ZNF383: variants seen among roughly 807,000 people sequenced by gnomAD.
The protein encoded by ZNF383 is zinc finger protein 383.
Under a neutral mutation model 44.2 loss-of-function variants are expected in ZNF383, and 32 were observed. The observed-to-expected ratio is 0.72, with a 90% CI of 0.55 to 0.97. ZNF383 has a LOEUF of 0.97. ZNF383 is among the 50% of genes least tolerant of loss of function. The pLI is 0.00. For synonymous variants in ZNF383, 155 were observed against 186.2 expected, an observed-to-expected ratio of 0.83 and a Z score of 1.36; for missense variants, 487 against 562.5, an observed-to-expected ratio of 0.87 and a Z score of 1.36.
chr19:37,234,165 A>G (rs987067383), intron 3 of ZNF383, among the ~76,000 whole-genome samples: 1 of 152,164 alleles, frequency 6.6e-6, no homozygotes, highest in African/African-American at 2.4e-5. Flanking sequence ...CGCACGGCCC[A>G]CATCTATTTT....
chr19:37,229,128 G>C (rs1316015239), intron 2 of ZNF383, among the ~76,000 whole-genome samples: 1 of 149,352 alleles, frequency 6.7e-6, no homozygotes, highest in African/African-American at 2.5e-5. Flanking sequence ...CTCACCTTTT[G>C]GCAATGGCAA....
chr19:37,236,859 C>T (rs1973826282), intron 5 of ZNF383, among the ~76,000 whole-genome samples: 1 of 152,028 alleles, frequency 6.6e-6, no homozygotes, highest in South Asian at 2.1e-4. Context: ...TGAGCCACCG[C>T]GTCCGGCCCC....
chr19:37,238,037 A>AT, intron 5 of ZNF383, among the ~76,000 whole-genome samples: 1 of 151,336 alleles, frequency 6.6e-6, no homozygotes, highest in Middle Eastern at 3.4e-3. Context: ...TAATTTTTCT[A>AT]TTTTTTGTAG....
intron 5 of ZNF383, among the ~76,000 whole-genome samples, chr19:37,239,873 A>G (rs1216720735): frequency 6.6e-6 from 1 of 152,098 alleles, no homozygotes; most frequent in Non-Finnish European, 1.5e-5. Context: ...AGTTACTGCA[A>G]GATCTGCCGG....
rs1292058300 is a variant in ZNF383 at position 37,242,747 on chromosome 19, G to C, written c.511G>C (p.Glu171Gln). 2 of 1,614,080 alleles carry C rather than the reference G, an allele frequency of 1.2e-6. No individual in the cohort carries two copies. Among genetic ancestry groups the C allele is most frequent in the Admixed American group, 3.3e-5 (2 of 60,016 alleles). Residue 171 changes from glutamate (E) to glutamine (Q), a missense_variant, in exon 6 of 6, where the codon GAA becomes CAA. Coordinates refer to ENST00000684119, the MANE Select transcript of ZNF383 (RefSeq NM_001387601.1). Reference sequence around the variant, plus strand: ...AATTAATAATGAAGACAGACCCTATGAATGTAAGAAATGTGGAAAGGCCTT... The same window carrying C: ...AATTAATAATGAAGACAGACCCTATCAATGTAAGAAATGTGGAAAGGCCTT... ...QIINNEDRPY[E>Q]CKKCGKAFSQ... is the part of the protein sequence containing the mutation.
chr19:37,235,015 G>A (rs780291200), intron 3 of ZNF383, among the ~76,000 whole-genome samples: 1 of 152,040 alleles, frequency 6.6e-6, no homozygotes, highest in African/African-American at 2.4e-5. Context: ...GGCTCATGTC[G>A]TAATCCCAGC....
intron 1 of ZNF383, among the ~76,000 whole-genome samples, chr19:37,222,151 T>G (rs185977481): frequency 1.3e-4 from 20 of 152,160 alleles, no homozygotes; most frequent in Admixed American, 5.2e-4. Flanking sequence ...TTTGCTTGGC[T>G]TCTTTTTTTT....
rs768264144 is a variant in ZNF383 at position 37,243,548 on chromosome 19, A to G, written c.1312A>G (p.Thr438Ala). Reference sequence around the variant, plus strand: ...GGCCTTTAATAAATGCTCAAACCTTACTCGACATCTGAGAATTCACACTGG... The same window carrying G: ...GGCCTTTAATAAATGCTCAAACCTTGCTCGACATCTGAGAATTCACACTGG... ...GKAFNKCSNLTRHLRIHTGEK... is the reference protein window; with the variant it reads ...GKAFNKCSNLARHLRIHTGEK... The change falls in exon 6 of 6, where the codon ACT (threonine) becomes GCT (alanine). Residue 438 changes from threonine to alanine, a missense_variant. Coordinates refer to ENST00000684119, the MANE Select transcript of ZNF383 (RefSeq NM_001387601.1). The G allele has an allele frequency of 6.2e-6, 10 of 1,613,376 alleles. No individual in the cohort carries two copies. The Admixed American group carries it at 1.7e-4, about 27-fold the overall frequency.
chr19:37,235,221 C>T (rs560728906), intron 3 of ZNF383, among the ~76,000 whole-genome samples: 63 of 150,802 alleles, frequency 4.2e-4, no homozygotes, highest in Non-Finnish European at 6.8e-4. Context: ...TGCGGTGAGC[C>T]GACATCATGC....
At chr19:37,222,938 A>G (rs1049535780) in intron 1 of ZNF383, among the ~76,000 whole-genome samples, 3 of 152,212 alleles carry the variant, frequency 2.0e-5, no homozygotes, top group Admixed American at 1.3e-4. Flanking sequence ...ACTTTATGAC[A>G]AGAATAGATT....
At position 37,247,414 on chromosome 19, in the gene ZNF383, T is replaced by C. The variant is rs1304614063; in HGVS notation, c.*3750T>C. On this transcript the variant is annotated 3_prime_UTR_variant, in exon 6 of 6. Coordinates refer to ENST00000684119, the MANE Select transcript of ZNF383 (RefSeq NM_001387601.1). ...GTAAACTTAAAAGAACTGTGTCATT[T>C]GGGGTAATGAAAATGTGGCATGGGT... 1 of 152,186 alleles carries C rather than the reference T, an allele frequency of 6.6e-6. No homozygotes were observed. The highest frequency in any genetic ancestry group is 1.5e-5 in the Non-Finnish European group (1 of 68,038). 9.4% of individuals were successfully genotyped at this position (152,186 alleles called of 1,614,324 possible). A position where few individuals can be genotyped will look rare whatever the true frequency, so the allele number is the denominator to read the frequency against.
intron 1 of ZNF383, 33 bp downstream of exon 1, chr19:37,218,307 G>C (rs1972767143): frequency 6.6e-6 from 1 of 152,584 alleles, no homozygotes; most frequent in Non-Finnish European, 1.5e-5. Context: ...GGACTGACCA[G>C]GCTGGTCTGG....
chr19:37,228,203 G>A (rs891915019), intron 2 of ZNF383, among the ~76,000 whole-genome samples: 4 of 152,196 alleles, frequency 2.6e-5, no homozygotes, highest in Non-Finnish European at 5.9e-5. Context: ...TGGCGTTACC[G>A]GTAGACCAAG....
chr19:37,227,264 A>T (rs373824113), intron 2 of ZNF383, among the ~76,000 whole-genome samples: 1 of 151,738 alleles, frequency 6.6e-6, no homozygotes, highest in East Asian at 1.9e-4. Flanking sequence ...ACAGGCATGT[A>T]CCACCACGCC....
At chr19:37,240,986 T>C (rs1254427228) in intron 5 of ZNF383, among the ~76,000 whole-genome samples, 1 of 152,078 alleles carries the variant, frequency 6.6e-6, no homozygotes, top group East Asian at 1.9e-4. Context: ...TTTGTATTTT[T>C]AGTAGAGACA....
At chr19:37,233,616 G>T (rs1973616761) in intron 3 of ZNF383, among the ~76,000 whole-genome samples, 1 of 151,814 alleles carries the variant, frequency 6.6e-6, no homozygotes, top group South Asian at 2.1e-4. Flanking sequence ...TTTTAGTAGA[G>T]ACAGGGTTTC....
chr19:37,231,114 G>A (rs554127414), intron 3 of ZNF383, among the ~76,000 whole-genome samples: 1 of 152,314 alleles, frequency 6.6e-6, no homozygotes, highest in South Asian at 2.1e-4. Context: ...GTTTACAATG[G>A]TTCAGCCAAT....
At chr19:37,230,743 G>A (rs1973448697) in intron 3 of ZNF383, among the ~76,000 whole-genome samples, 1 of 152,160 alleles carries the variant, frequency 6.6e-6, no homozygotes, top group African/African-American at 2.4e-5. Context: ...TTATCTCAAG[G>A]AAGCAAGAAT....
intron 2 of ZNF383, among the ~76,000 whole-genome samples, chr19:37,230,122 G>A (rs1973411739): frequency 6.6e-6 from 1 of 152,078 alleles, no homozygotes; most frequent in African/African-American, 2.4e-5. Flanking sequence ...CATGGGTTCA[G>A]AGCAACATCA....
Sources: allele counts gnomAD v4.1 joint callset (sites outside exome capture counted in the v4.1 genomes callset), GRCh38; gene constraint gnomAD v4.1.1; transcripts MANE v1.5; gene names NCBI Gene and HGNC (gene_info 2026-07-23, HGNC 2026-07-21).